SPAG16: variants seen among roughly 807,000 people sequenced by gnomAD.
SPAG16 encodes sperm associated antigen 16.
SPAG16 carries 86 observed loss-of-function variants against 80.4 expected under a neutral mutation model. The observed-to-expected ratio is 1.07, with a 90% CI of 0.90 to 1.28. The LOEUF is 1.28. Ranked by LOEUF, SPAG16 falls within the 50% of genes most tolerant of loss-of-function variation. The pLI, the probability that SPAG16 is intolerant of heterozygous loss-of-function variation, is 0.00. For missense variants in SPAG16, 870 were observed against 765.3 expected (o/e 1.14, Z -1.61); for synonymous variants, 294 against 265.9 (o/e 1.11, Z -1.03).
intron 13 of SPAG16, among the ~76,000 whole-genome samples, chr2:214,103,345 T>G (rs1399586654): frequency 6.6e-6 from 1 of 152,206 alleles, no homozygotes; most frequent in Non-Finnish European, 1.5e-5. Context: ...CTTGCCTAAC[T>G]ACCTGTAGCA....
intron 15 of SPAG16, among the ~76,000 whole-genome samples, chr2:214,305,448 G>T (rs1393095658): frequency 2.0e-5 from 3 of 152,056 alleles, no homozygotes. Flanking sequence ...ATCTTTGCCT[G>T]TGCCTATGTC....
At chr2:214,264,533 C>T (rs1424563033) in intron 15 of SPAG16, among the ~76,000 whole-genome samples, 1 of 152,116 alleles carries the variant, frequency 6.6e-6, no homozygotes. Context: ...TATACCCCCT[C>T]TCCTTTCTCA....
chr2:213,608,369 T>G (rs563509897), intron 10 of SPAG16, among the ~76,000 whole-genome samples: 2 of 152,156 alleles, frequency 1.3e-5, no homozygotes, highest in African/African-American at 4.8e-5. Context: ...GTTCCCTTCC[T>G]GTGTCCATGT....
chr2:213,563,984 A>G (rs972324590), intron 10 of SPAG16, among the ~76,000 whole-genome samples: 9 of 152,188 alleles, frequency 5.9e-5, no homozygotes, highest in Non-Finnish European at 1.3e-4. Context: ...TGGAAAGGGA[A>G]AGGAGGAAAG....
At chr2:213,886,318 G>A (rs1278236273) in intron 11 of SPAG16, among the ~76,000 whole-genome samples, 1 of 152,112 alleles carries the variant, frequency 6.6e-6, no homozygotes, top group Non-Finnish European at 1.5e-5. Context: ...CCTCCATGGG[G>A]AACGGATATT....
At chr2:213,710,598 G>A (rs779157549) in intron 10 of SPAG16, among the ~76,000 whole-genome samples, 12 of 152,092 alleles carry the variant, frequency 7.9e-5, no homozygotes, top group Admixed American at 4.6e-4. Context: ...ACAATTAGGC[G>A]TACATAAATA....
intron 15 of SPAG16, among the ~76,000 whole-genome samples, chr2:214,348,345 G>A (rs1054935153): frequency 1.3e-5 from 2 of 152,200 alleles, no homozygotes; most frequent in Non-Finnish European, 2.9e-5. Flanking sequence ...GCGACCAGAG[G>A]TTGGGCTCTG....
At chr2:214,181,600 C>T (rs867917979) in intron 15 of SPAG16, among the ~76,000 whole-genome samples, 5 of 151,704 alleles carry the variant, frequency 3.3e-5, no homozygotes, top group Non-Finnish European at 4.4e-5. Context: ...TGCTAGAGGC[C>T]GTCTCTCTCT....
intron 10 of SPAG16, among the ~76,000 whole-genome samples, chr2:213,780,545 C>A (rs180734612): frequency 1.3e-5 from 2 of 148,676 alleles, no homozygotes; most frequent in Admixed American, 1.4e-4. Flanking sequence ...TTTACCAAAG[C>A]AGGTCCAAAC....
intron 10 of SPAG16, among the ~76,000 whole-genome samples, chr2:213,646,234 T>C (rs1407665585): frequency 6.6e-6 from 1 of 152,208 alleles, no homozygotes; most frequent in Non-Finnish European, 1.5e-5. Context: ...TGATTTCTGG[T>C]TCTTGTGAAG....
At chr2:213,883,523 G>A (rs2076432015) in intron 11 of SPAG16, among the ~76,000 whole-genome samples, 1 of 152,108 alleles carries the variant, frequency 6.6e-6, no homozygotes, top group South Asian at 2.1e-4. Flanking sequence ...TGTTTATTAG[G>A]TCCATTTGCT....
chr2:213,897,947 A>T (rs2077060289), intron 11 of SPAG16, among the ~76,000 whole-genome samples: 1 of 152,174 alleles, frequency 6.6e-6, no homozygotes, highest in Non-Finnish European at 1.5e-5. Flanking sequence ...TCTTCAAAGC[A>T]TTGGGCTCCA....
rs75147220 is a variant in SPAG16, at chr2:213,919,186, G to T, written c.1215-10774G>T. Reference sequence around the variant, plus strand: ...GGTTATTTCTTTTGTGAGTTTTGGGGTCAGTTTAATCTTGGTTTTGTATCT... The same window carrying T: ...GGTTATTTCTTTTGTGAGTTTTGGGTTCAGTTTAATCTTGGTTTTGTATCT... On this transcript the variant is annotated intron_variant, in intron 11 of 15. Transcript: ENST00000331683. Among the ~76,000 whole-genome samples, 709 of 151,854 alleles carry T rather than the reference G, an allele frequency of 4.7e-3. 10 individuals are homozygous for T. Among genetic ancestry groups the T allele is most frequent in the African/African-American group, 0.016 (674 of 41,442 alleles).
intron 10 of SPAG16, among the ~76,000 whole-genome samples, chr2:213,858,445 C>A (rs1164405514): frequency 6.6e-6 from 1 of 152,062 alleles, no homozygotes. Flanking sequence ...CATTTTTTAG[C>A]AATAAAGTAT....
chr2:213,848,450 TTCTG>T lies in SPAG16; in HGVS notation c.1071-14034_1071-14031del, dbSNP rs546243877. On this transcript the variant is annotated intron_variant, in intron 10 of 15. Coordinates refer to ENST00000331683, the MANE Select transcript of SPAG16 (RefSeq NM_024532.5). ...TTAATTTGTCATTGTTTGAACCCAT[TTCTG>T]GATACTAAGCTTCCTTTTTTGGATT... Among the ~76,000 whole-genome samples the T allele has an allele frequency of 7.2e-5, 11 of 152,342 alleles. No homozygotes were observed. The South Asian group carries it at 2.3e-3, about 32-fold the overall frequency.
intron 10 of SPAG16, among the ~76,000 whole-genome samples, chr2:213,638,691 G>A (rs2062464164): frequency 6.6e-6 from 1 of 152,066 alleles, no homozygotes. Flanking sequence ...AATGTTCCTT[G>A]TGCTTATGAA....
At chr2:213,979,239 T>C (rs1025357717) in intron 12 of SPAG16, among the ~76,000 whole-genome samples, 1 of 151,786 alleles carries the variant, frequency 6.6e-6, no homozygotes, top group East Asian at 1.9e-4. Context: ...GTCATGTCTC[T>C]CTTTTTAAAT....
At chr2:213,635,677 A>T (rs569202362) in intron 10 of SPAG16, among the ~76,000 whole-genome samples, 4 of 152,176 alleles carry the variant, frequency 2.6e-5, no homozygotes, top group Non-Finnish European at 4.4e-5. Flanking sequence ...GATGTTAAGA[A>T]TTTTTTTATA....
chr2:214,355,456 A>G (rs1469221343), intron 15 of SPAG16, among the ~76,000 whole-genome samples: 1 of 145,450 alleles, frequency 6.9e-6, no homozygotes, highest in African/African-American at 2.5e-5. Context: ...AGAAATGCAA[A>G]TCAAAACCAC....
Sources: allele counts gnomAD v4.1 joint callset (sites outside exome capture counted in the v4.1 genomes callset), GRCh38; gene constraint gnomAD v4.1.1; transcripts MANE v1.5; gene names NCBI Gene and HGNC (gene_info 2026-07-23, HGNC 2026-07-21).